The following CHST11 variants were observed in gnomAD, a reference collection of about 807,000 sequenced individuals.
CHST11 encodes the protein carbohydrate sulfotransferase 11.
CHST11 carries 9 observed loss-of-function variants against 30.4 expected under a neutral mutation model. The ratio of observed to expected loss-of-function variants is 0.30; its 90% CI spans 0.18 to 0.52. The LOEUF is 0.52. Ranked by LOEUF, CHST11 falls within the 20% of genes least tolerant of loss-of-function variation. The pLI, the probability that CHST11 is intolerant of heterozygous loss-of-function variation, is 0.97. For missense variants in CHST11, 348 were observed against 460.6 expected (o/e 0.76, Z 2.24); for synonymous variants, 152 against 187.8 (o/e 0.81, Z 1.56).
intron 1 of CHST11, among the ~76,000 whole-genome samples, chr12:104,493,345 T>C (rs1391745317): frequency 6.6e-6 from 1 of 152,236 alleles, no homozygotes; most frequent in Non-Finnish European, 1.5e-5. Context: ...GAGAATGTTT[T>C]TGCCCTGGAA....
intron 1 of CHST11, among the ~76,000 whole-genome samples, chr12:104,550,670 T>A (rs2038396023): frequency 6.6e-6 from 1 of 152,218 alleles, no homozygotes; most frequent in Non-Finnish European, 1.5e-5. Flanking sequence ...GTCTTGCCCA[T>A]ATGGGTCCTA....
chr12:104,497,011 T>C (rs2037803766), intron 1 of CHST11, among the ~76,000 whole-genome samples: 1 of 152,180 alleles, frequency 6.6e-6, no homozygotes, highest in African/African-American at 2.4e-5. Flanking sequence ...CTCTGACTTG[T>C]GGATGAGAAT....
intron 2 of CHST11, among the ~76,000 whole-genome samples, chr12:104,633,483 C>T (rs1048172070): frequency 7.2e-6 from 1 of 139,820 alleles, no homozygotes; most frequent in African/African-American, 2.7e-5. Context: ...CGCGTGATCT[C>T]GGCTCACTGC....
intron 2 of CHST11, among the ~76,000 whole-genome samples, chr12:104,752,558 C>T (rs1225020004): frequency 6.6e-6 from 1 of 152,052 alleles, no homozygotes; most frequent in Non-Finnish European, 1.5e-5. Flanking sequence ...GACAGAGTCT[C>T]ACTCTGTCGC....
chr12:104,551,413 C>A (rs1019352397), intron 1 of CHST11, among the ~76,000 whole-genome samples: 1 of 152,010 alleles, frequency 6.6e-6, no homozygotes, highest in Admixed American at 6.6e-5. Context: ...TGACTGCTTG[C>A]TTTTGTAAGC....
At chr12:104,725,759 A>T (rs999438318) in intron 2 of CHST11, among the ~76,000 whole-genome samples, 2 of 151,840 alleles carry the variant, frequency 1.3e-5, no homozygotes, top group African/African-American at 4.8e-5. Context: ...CACACCAGGG[A>T]TTGGTTTTCT....
chr12:104,594,529 T>C lies in CHST11; in HGVS notation c.119-7377T>C, dbSNP rs117342256. 4.4e-3 allele frequency among the ~76,000 whole-genome samples: 673 copies of C among 152,346 alleles called. 32 individuals carry two copies. In the East Asian group the frequency reaches 0.088, roughly 20 times the overall value. ...TGTGATGTAGAAGGCTTCGGGCTTCTGTACTCTCCCTCCTCTTCTCCCCCA... is the reference window on the plus strand; with the variant it reads ...TGTGATGTAGAAGGCTTCGGGCTTCCGTACTCTCCCTCCTCTTCTCCCCCA... On this transcript the variant is annotated intron_variant, in intron 1 of 2. Coordinates refer to ENST00000303694, the MANE Select transcript of CHST11 (RefSeq NM_018413.6).
At chr12:104,469,616 G>A (rs1360420509) in intron 1 of CHST11, among the ~76,000 whole-genome samples, 1 of 152,196 alleles carries the variant, frequency 6.6e-6, no homozygotes, top group African/African-American at 2.4e-5. Context: ...TCTGTGCTGA[G>A]GAGGACTTTA....
At chr12:104,719,871 G>A (rs573801684) in intron 2 of CHST11, among the ~76,000 whole-genome samples, 2 of 152,176 alleles carry the variant, frequency 1.3e-5, no homozygotes, top group Non-Finnish European at 2.9e-5. Flanking sequence ...CTGTGTCCCA[G>A]CTGCTTCTAC....
At chr12:104,463,473 C>G (rs1486487867) in intron 1 of CHST11, among the ~76,000 whole-genome samples, 2 of 152,290 alleles carry the variant, frequency 1.3e-5, no homozygotes, top group South Asian at 4.1e-4. Flanking sequence ...CCTCCCCAGC[C>G]CCCTGTCTGT....
rs73386295 is a variant in CHST11, at chr12:104,629,319, T to C, written c.204+27328T>C. 7.0e-3 allele frequency among the ~76,000 whole-genome samples: 1,060 copies of C among 152,342 alleles called. 16 individuals are homozygous for C. Among genetic ancestry groups the C allele is most frequent in the African/African-American group, 0.024 (1,007 of 41,570 alleles). Reference sequence around the variant, plus strand: ...AGGATCTCACCAGGCTACAGTCTCATGTGAAGCTTAGGGTCCTTGAAGCTC... The same window carrying C: ...AGGATCTCACCAGGCTACAGTCTCACGTGAAGCTTAGGGTCCTTGAAGCTC... On this transcript the variant is annotated intron_variant, in intron 2 of 2. Coordinates refer to ENST00000303694, the MANE Select transcript of CHST11 (RefSeq NM_018413.6).
At chr12:104,732,375 A>C (rs1245312651) in intron 2 of CHST11, among the ~76,000 whole-genome samples, 1 of 152,238 alleles carries the variant, frequency 6.6e-6, no homozygotes, top group Admixed American at 6.5e-5. Flanking sequence ...GTCCTGGCAG[A>C]AAAGCTAGAC....
chr12:104,673,987 C>T (rs932113728), intron 2 of CHST11, among the ~76,000 whole-genome samples: 2 of 152,352 alleles, frequency 1.3e-5, no homozygotes, highest in African/African-American at 4.8e-5. Context: ...TTTTCCTCTG[C>T]TGTCAGCTCT....
At chr12:104,486,552 T>C (rs745415290) in intron 1 of CHST11, among the ~76,000 whole-genome samples, 33 of 152,176 alleles carry the variant, frequency 2.2e-4, no homozygotes, top group Non-Finnish European at 4.3e-4. Context: ...GTTTGACAGA[T>C]GTGGGCTGCA....
At chr12:104,579,528 A>G (rs992144229) in intron 1 of CHST11, among the ~76,000 whole-genome samples, 2 of 152,228 alleles carry the variant, frequency 1.3e-5, no homozygotes, top group African/African-American at 2.4e-5. Context: ...AGACAATGAA[A>G]CAGGCATTCG....
chr12:104,551,252 A>G (rs1289757803), intron 1 of CHST11, among the ~76,000 whole-genome samples: 1 of 152,182 alleles, frequency 6.6e-6, no homozygotes, highest in Admixed American at 6.5e-5. Context: ...TGTTGCCTCA[A>G]TCTATTTTCA....
In CHST11 at chr12:104,699,681, A is replaced by T. The variant is rs1001575752; in HGVS notation, c.205-57268A>T. On this transcript the variant is annotated intron_variant, in intron 2 of 2. Transcript: ENST00000303694. Reference sequence around the variant, plus strand: ...GTGGTTTCCACTTACCTACTATGGGACCTAGACAGGCTGTTTCACTTCTCT... The same window carrying T: ...GTGGTTTCCACTTACCTACTATGGGTCCTAGACAGGCTGTTTCACTTCTCT... Among the ~76,000 whole-genome samples the T allele has an allele frequency of 4.6e-5, 7 of 152,212 alleles. No individual in the cohort carries two copies. In the South Asian group the frequency reaches 8.3e-4, roughly 18 times the overall value.
intron 1 of CHST11, among the ~76,000 whole-genome samples, chr12:104,539,325 C>T (rs552567386): frequency 2.8e-4 from 43 of 152,266 alleles, no homozygotes; most frequent in African/African-American, 9.6e-4. Flanking sequence ...ATATTGGTAC[C>T]TCCCTGGAGG....
intron 1 of CHST11, among the ~76,000 whole-genome samples, chr12:104,530,836 G>A (rs530384699): frequency 6.6e-6 from 1 of 152,150 alleles, no homozygotes; most frequent in Admixed American, 6.6e-5. Context: ...GTTTCTTTTG[G>A]TTCAGAAGCA....
Sources: allele counts gnomAD v4.1 joint callset (sites outside exome capture counted in the v4.1 genomes callset), GRCh38; gene constraint gnomAD v4.1.1; transcripts MANE v1.5; gene names NCBI Gene and HGNC (gene_info 2026-07-23, HGNC 2026-07-21).